Variants in MARK1 observed in about 807,000 individuals in gnomAD.
MARK1 encodes microtubule affinity regulating kinase 1, also known as serine/threonine-protein kinase MARK1.
A neutral mutation model predicts 96.3 loss-of-function variants in MARK1; 40 were observed. The ratio of observed to expected loss-of-function variants is 0.42; its 90% CI spans 0.32 to 0.54. The LOEUF is 0.54. Among genes scored for constraint, MARK1 ranks in the 20% least tolerant of loss-of-function variants. The pLI is 0.16. For missense variants in MARK1, 719 were observed against 984.6 expected (o/e 0.73, Z 3.61); for synonymous variants, 317 against 341.2 (o/e 0.93, Z 0.78).
rs1339522478 is a variant in MARK1 at position 220,663,438 on chromosome 1, T to C, written c.*1272T>C. On this transcript the variant is annotated 3_prime_UTR_variant, in exon 18 of 18. Coordinates refer to ENST00000366917, the MANE Select transcript of MARK1 (RefSeq NM_018650.5). ...TGCGATGTAAAACCACTAGTAAAGGTACATTTTAATACTTGTTATTTTATA... is the reference window on the plus strand; with the variant it reads ...TGCGATGTAAAACCACTAGTAAAGGCACATTTTAATACTTGTTATTTTATA... 1 of 152,608 alleles carries C rather than the reference T, an allele frequency of 6.6e-6. No individual in the cohort carries two copies. The highest frequency in any genetic ancestry group is 1.5e-5 in the Non-Finnish European group (1 of 68,024). 9.5% of individuals were successfully genotyped at this position (152,608 alleles called of 1,614,324 possible).
chr1:220,661,956 T>C lies in MARK1; in HGVS notation c.2178T>C (p.Asp726=). 1 of 1,614,184 alleles carries C rather than the reference T, an allele frequency of 6.2e-7. No homozygotes were observed. Among genetic ancestry groups the C allele is most frequent in the Non-Finnish European group, 8.5e-7 (1 of 1,180,052 alleles). ...DMMREIRKVL[D]ANNCDYEQKE... ...TGAGAGAAATCCGAAAAGTGTTAGA[T>C]GCAAATAACTGTGATTATGAGCAAA... Residue 726 remains aspartate (D), a synonymous_variant, in exon 18 of 18, where the codon GAT becomes GAC. Transcript: ENST00000366917.
intron 1 of MARK1, among the ~76,000 whole-genome samples, chr1:220,562,310 C>CA (rs968609108): frequency 3.1e-4 from 47 of 151,244 alleles, no homozygotes; most frequent in South Asian, 4.2e-4. Flanking sequence ...ACTAAAAATA[C>CA]AAAAAAAAAT....
At chr1:220,561,452 C>T (rs1662663808) in intron 1 of MARK1, among the ~76,000 whole-genome samples, 1 of 151,970 alleles carries the variant, frequency 6.6e-6, no homozygotes, top group African/African-American at 2.4e-5. Context: ...CAGTGTGACC[C>T]AAGGAAGCCA....
In MARK1 at chr1:220,657,778, C is replaced by T; in HGVS notation, c.1989-12C>T. The T allele has an allele frequency of 6.4e-7, 1 of 1,558,376 alleles. No homozygotes were observed. The highest frequency in any genetic ancestry group is 8.6e-7 in the Non-Finnish European group (1 of 1,160,674). ...TTTTATCATTAAATCTCAACCTTCACTTTGTTTTGAGGGATCCAAGTGAAG... is the reference window on the plus strand; with the variant it reads ...TTTTATCATTAAATCTCAACCTTCATTTTGTTTTGAGGGATCCAAGTGAAG... On this transcript the variant is annotated splice_polypyrimidine_tract_variant and intron_variant, in intron 16 of 17. Coordinates refer to ENST00000366917, the MANE Select transcript of MARK1 (RefSeq NM_018650.5).
intron 9 of MARK1, 90 bp from the exon 10 acceptor site, chr1:220,630,945 A>G: frequency 1.2e-6 from 1 of 860,630 alleles, no homozygotes; most frequent in Non-Finnish European, 1.9e-6. Flanking sequence ...TTCTTGAGTG[A>G]ACTAGTAATT....
intron 14 of MARK1, among the ~76,000 whole-genome samples, chr1:220,651,327 G>C (rs1668860647): frequency 1.3e-5 from 2 of 152,156 alleles, no homozygotes; most frequent in Non-Finnish European, 2.9e-5. Context: ...AGTCATTTCA[G>C]TAGTGTGTAC....
chr1:220,569,976 T>C (rs1015163752), intron 1 of MARK1, among the ~76,000 whole-genome samples: 3 of 152,192 alleles, frequency 2.0e-5, no homozygotes, highest in Middle Eastern at 6.8e-3. Flanking sequence ...GAAAAATTAG[T>C]AGCTGTAAAG....
chr1:220,547,501 A>T (rs1389876550), intron 1 of MARK1, among the ~76,000 whole-genome samples: 1 of 152,156 alleles, frequency 6.6e-6, no homozygotes, highest in Non-Finnish European at 1.5e-5. Context: ...GCCAGAATTG[A>T]GTATTTATCA....
At chr1:220,578,370 G>C (rs1664013648) in intron 1 of MARK1, among the ~76,000 whole-genome samples, 2 of 152,204 alleles carry the variant, frequency 1.3e-5, no homozygotes, top group Non-Finnish European at 2.9e-5. Context: ...GAGTCCATAG[G>C]TGAACAGGAT....
At chr1:220,584,661 T>C (rs1360903647) in intron 3 of MARK1, among the ~76,000 whole-genome samples, 1 of 152,206 alleles carries the variant, frequency 6.6e-6, no homozygotes, top group East Asian at 1.9e-4. Context: ...TGTTGAAGAA[T>C]TTGGTAACTA....
chr1:220,588,591 T>C (rs4846655), intron 3 of MARK1, among the ~76,000 whole-genome samples: 88,576 of 152,072 alleles, frequency 0.58, 27,143 homozygotes, highest in Non-Finnish European at 0.68. Context: ...TAAATTGTTA[T>C]AGTGCTGCTA....
At chr1:220,582,361 T>C (rs1664297584) in intron 3 of MARK1, among the ~76,000 whole-genome samples, 1 of 152,226 alleles carries the variant, frequency 6.6e-6, no homozygotes, top group Non-Finnish European at 1.5e-5. Context: ...ATGATGCCTT[T>C]GTGTAAGTGA....
chr1:220,538,394 G>A (rs1660879121), intron 1 of MARK1, among the ~76,000 whole-genome samples: 1 of 150,336 alleles, frequency 6.7e-6, no homozygotes, highest in Non-Finnish European at 1.5e-5. Context: ...TTGTAGATAT[G>A]CAGCATTATT....
chr1:220,609,000 T>C (rs1362427880), intron 6 of MARK1, among the ~76,000 whole-genome samples: 1 of 152,240 alleles, frequency 6.6e-6, no homozygotes, highest in Non-Finnish European at 1.5e-5. Context: ...TTGGAATAAG[T>C]GCAAAGTGAT....
At chr1:220,570,690 C>T (rs1291881273) in intron 1 of MARK1, among the ~76,000 whole-genome samples, 1 of 152,014 alleles carries the variant, frequency 6.6e-6, no homozygotes, top group African/African-American at 2.4e-5. Context: ...CATTTAGGTT[C>T]CTTGGATCTC....
At chr1:220,634,274 C>A (rs1667827989) in intron 11 of MARK1, among the ~76,000 whole-genome samples, 1 of 152,096 alleles carries the variant, frequency 6.6e-6, no homozygotes, top group Admixed American at 6.5e-5. Context: ...AGTATATAAC[C>A]ATGCCACGCA....
chr1:220,569,962 A>G (rs975138374), intron 1 of MARK1, among the ~76,000 whole-genome samples: 1 of 152,140 alleles, frequency 6.6e-6, no homozygotes, highest in Non-Finnish European at 1.5e-5. Flanking sequence ...TGAAGTTGAA[A>G]TAAGAAAAAT....
chr1:220,647,391 G>C (rs745994129), intron 13 of MARK1, among the ~76,000 whole-genome samples: 7 of 152,038 alleles, frequency 4.6e-5, no homozygotes, highest in African/African-American at 7.2e-5. Flanking sequence ...TTAAAAAGTC[G>C]AGAAACAACA....
intron 9 of MARK1, among the ~76,000 whole-genome samples, chr1:220,619,294 G>A (rs899221897): frequency 6.6e-6 from 1 of 152,092 alleles, no homozygotes; most frequent in African/African-American, 2.4e-5. Flanking sequence ...CTAACATGGT[G>A]AAACCCTGTC....
Sources: gnomAD v4.1 joint callset for allele counts (sites outside exome capture counted in the v4.1 genomes callset) on GRCh38, gnomAD v4.1.1 for gene constraint, MANE v1.5 for transcripts, NCBI Gene and HGNC (gene_info 2026-07-23, HGNC 2026-07-21) for gene names.